DRC4: variants seen among roughly 807,000 people sequenced by gnomAD.
DRC4 encodes GAS-11.
At chr16:90,041,596 G>A in the DRC4 span, among the ~76,000 whole-genome samples, 1 of 152,188 alleles carries the variant, frequency 6.6e-6, no homozygotes, top group South Asian at 2.1e-4. Context: ...ACGAGTTTGG[G>A]AGTTCAAGAC....
the DRC4 span, chr16:90,044,271 C>T: frequency 2.3e-6 from 1 of 440,416 alleles, no homozygotes; most frequent in Admixed American, 2.6e-5. Flanking sequence ...CTTGGCCCAG[C>T]CTCCCCACAA....
the DRC4 span, chr16:90,042,825 T>G: frequency 3.9e-6 from 2 of 516,920 alleles, no homozygotes; most frequent in Non-Finnish European, 7.0e-6. Context: ...CAGAAGGTGC[T>G]GTGCCCACCG....
chr16:90,020,716 C>G, the DRC4 span: 3 of 152,266 alleles, frequency 2.0e-5, no homozygotes, highest in Non-Finnish European at 4.4e-5. Context: ...GCAGCCCACA[C>G]CGACAGACCA....
chr16:90,033,241 T>C, the DRC4 span, among the ~76,000 whole-genome samples: 23 of 152,338 alleles, frequency 1.5e-4, no homozygotes, highest in South Asian at 2.1e-3. Context: ...TAGCATCATA[T>C]GCATTTAGTA....
chr16:90,042,383 T>G, the DRC4 span: 1 of 1,064,758 alleles, frequency 9.4e-7, no homozygotes, highest in Non-Finnish European at 1.5e-6. Flanking sequence ...GCTGGATCTC[T>G]CAGAACGCCC....
the DRC4 span, chr16:90,044,336 C>T: frequency 1.7e-5 from 7 of 410,980 alleles, no homozygotes; most frequent in East Asian, 4.3e-4. Flanking sequence ...TCTATTGCTG[C>T]CTGGACACCT....
At chr16:90,035,640 C>G in the DRC4 span, 3 of 1,614,148 alleles carry the variant, frequency 1.9e-6, no homozygotes, top group South Asian at 2.2e-5. Flanking sequence ...CAGAAACACA[C>G]CGAGGAGATC....
chr16:90,042,197 C>A, the DRC4 span: 1 of 517,230 alleles, frequency 1.9e-6, no homozygotes, highest in Non-Finnish European at 3.7e-6. Flanking sequence ...TGGCCTCCCA[C>A]ACTGCTGGGA....
the DRC4 span, chr16:90,042,835 G>A: frequency 2.6e-5 from 13 of 507,858 alleles, no homozygotes; most frequent in South Asian, 1.6e-4. Context: ...TGTGCCCACC[G>A]GGGAAGGAAA....
At chr16:90,029,604 G>T in the DRC4 span, 1 of 268,898 alleles carries the variant, frequency 3.7e-6, no homozygotes, top group South Asian at 4.0e-5. Flanking sequence ...TCTCCCTCAT[G>T]TCTGCCCGGC....
the DRC4 span, chr16:90,035,554 G>T: frequency 6.3e-7 from 1 of 1,596,326 alleles, no homozygotes; most frequent in South Asian, 1.1e-5. Flanking sequence ...CCAAAACCAT[G>T]AGGAACAGGG....
the DRC4 span, chr16:90,037,485 C>A: frequency 6.9e-7 from 1 of 1,441,180 alleles, no homozygotes; most frequent in Non-Finnish European, 9.4e-7. Context: ...AGGGGCTTGG[C>A]CCTTAGGGCA....
At chr16:90,038,538 T>C in the DRC4 span, among the ~76,000 whole-genome samples, 1 of 152,286 alleles carries the variant, frequency 6.6e-6, no homozygotes, top group East Asian at 1.9e-4. Context: ...TGTGCACTTG[T>C]GTGAGATTGC....
the DRC4 span, among the ~76,000 whole-genome samples, chr16:90,023,854 T>A: frequency 6.8e-6 from 1 of 147,016 alleles, no homozygotes; most frequent in Non-Finnish European, 1.5e-5. Flanking sequence ...TAGCTGGGTG[T>A]GGTGGCGTGT....
the DRC4 span, chr16:90,019,981 C>T: frequency 1.4e-6 from 1 of 698,176 alleles, no homozygotes; most frequent in Non-Finnish European, 2.6e-6. This position sits in a 1 kb window ranked among gnomAD's most constrained non-coding sequence, Gnocchi z 6.1. Context: ...GGCGGCGGGC[C>T]CGGGCTGCAG....
At chr16:90,037,056 A>T in the DRC4 span, 1 of 633,540 alleles carries the variant, frequency 1.6e-6, no homozygotes. Context: ...GAAAACTCAG[A>T]ATAAGTTGAA....
chr16:90,020,063 C>G, the DRC4 span: 15 of 676,258 alleles, frequency 2.2e-5, no homozygotes, highest in South Asian at 2.3e-4. Flanking sequence ...TTGCCAGCTC[C>G]TGGCCTGGGC....
the DRC4 span, among the ~76,000 whole-genome samples, chr16:90,042,706 T>G: frequency 1.1e-4 from 17 of 152,214 alleles, no homozygotes; most frequent in Non-Finnish European, 2.2e-4. Flanking sequence ...ATCTGGATTC[T>G]GTGTGGTCTG....
At chr16:90,026,247 A>C in the DRC4 span, among the ~76,000 whole-genome samples, 7 of 152,166 alleles carry the variant, frequency 4.6e-5, no homozygotes, top group Admixed American at 2.0e-4. Context: ...ATGGGTGGCC[A>C]GACAGAACTG....
Sources: allele counts gnomAD v4.1 joint callset (sites outside exome capture counted in the v4.1 genomes callset), GRCh38; gene constraint gnomAD v4.1.1; non-coding constraint Gnocchi (gnomAD v3.1); transcripts MANE v1.5; gene names NCBI Gene and HGNC (gene_info 2026-07-23, HGNC 2026-07-21).